LHFPL6: variants seen among roughly 807,000 people sequenced by gnomAD.
LHFPL6 encodes the protein LHFPL tetraspan subfamily member 6 protein.
In LHFPL6, 9 loss-of-function variants were observed where a neutral mutation model predicts 20.6. That is an observed-to-expected ratio of 0.44 (90% confidence interval 0.26 to 0.76). The LOEUF (loss-of-function observed/expected upper bound fraction) is 0.76, where lower values mean the gene tolerates loss of function less well. Ranked by LOEUF, LHFPL6 falls within the 30% of genes least tolerant of loss-of-function variation. The probability of loss-of-function intolerance (pLI) is 0.20; values close to 1 mark genes in which losing one functional copy is unlikely to be tolerated. For synonymous variants in LHFPL6, 105 were observed against 98.7 expected, an observed-to-expected ratio of 1.06 and a Z score of -0.38; for missense variants, 218 against 253.5, an observed-to-expected ratio of 0.86 and a Z score of 0.95.
rs146243920 is a variant in LHFPL6 at position 39,414,342 on chromosome 13, C to T, written c.386-35816G>A. ...CTGTGAGAATATGTGTCAACATTCA[C>T]ACAACATCTTCCTAATTCCATCTTC... On this transcript the variant is annotated intron_variant, in intron 2 of 3. Coordinates refer to ENST00000379589, the MANE Select transcript of LHFPL6 (RefSeq NM_005780.3). 3.7e-3 allele frequency among the ~76,000 whole-genome samples: 561 copies of T among 152,342 alleles called. 2 individuals carry two copies. Among genetic ancestry groups the T allele is most frequent in the Non-Finnish European group, 5.3e-3 (360 of 68,028 alleles).
chr13:39,439,822 A>T (rs1161577588), intron 2 of LHFPL6, among the ~76,000 whole-genome samples: 1 of 152,128 alleles, frequency 6.6e-6, no homozygotes, highest in Non-Finnish European at 1.5e-5. Context: ...TTCCACCATG[A>T]TTAAAAGCTC....
At chr13:39,464,927 A>G in intron 2 of LHFPL6, among the ~76,000 whole-genome samples, 1 of 152,166 alleles carries the variant, frequency 6.6e-6, no homozygotes, top group East Asian at 1.9e-4. Context: ...CCTTCAGATA[A>G]TTCAGTGTAT....
At chr13:39,568,387 C>A (rs756208201) in intron 2 of LHFPL6, among the ~76,000 whole-genome samples, 1 of 152,048 alleles carries the variant, frequency 6.6e-6, no homozygotes, top group Admixed American at 6.6e-5. Flanking sequence ...AACACAGTGG[C>A]TCATTTTATT....
At chr13:39,473,581 A>C (rs1873004144) in intron 2 of LHFPL6, among the ~76,000 whole-genome samples, 1 of 151,980 alleles carries the variant, frequency 6.6e-6, no homozygotes, top group Non-Finnish European at 1.5e-5. Context: ...TTATTCTGCT[A>C]GATTATAAGG....
intron 2 of LHFPL6, among the ~76,000 whole-genome samples, chr13:39,521,592 T>C (rs1207664741): frequency 6.6e-6 from 1 of 151,994 alleles, no homozygotes; most frequent in Non-Finnish European, 1.5e-5. Flanking sequence ...GTTGGGTTTG[T>C]TGTTGTTGTT....
intron 2 of LHFPL6, among the ~76,000 whole-genome samples, chr13:39,457,168 A>G (rs954008131): frequency 3.9e-5 from 6 of 152,212 alleles, no homozygotes; most frequent in Non-Finnish European, 8.8e-5. Context: ...AAAATGAAAA[A>G]TCTTATATTT....
chr13:39,592,513 A>G (rs368155282), intron 2 of LHFPL6, among the ~76,000 whole-genome samples: 102 of 152,344 alleles, frequency 6.7e-4, no homozygotes, highest in African/African-American at 2.2e-3. Flanking sequence ...CCAGGACCAG[A>G]TGGATGCACA....
chr13:39,525,892 C>A (rs1397909354), intron 2 of LHFPL6, among the ~76,000 whole-genome samples: 1 of 149,660 alleles, frequency 6.7e-6, no homozygotes, highest in Non-Finnish European at 1.5e-5. Flanking sequence ...TTACCTAAAA[C>A]TCAGTGGACA....
At chr13:39,464,550 C>G (rs866248395) in intron 2 of LHFPL6, among the ~76,000 whole-genome samples, 2 of 152,158 alleles carry the variant, frequency 1.3e-5, no homozygotes, top group Non-Finnish European at 2.9e-5. Context: ...CAGTCCACTA[C>G]AAAAAATGTA....
chr13:39,355,035 T>G (rs909231780), intron 3 of LHFPL6, among the ~76,000 whole-genome samples: 1 of 149,028 alleles, frequency 6.7e-6, no homozygotes, highest in Non-Finnish European at 1.5e-5. Context: ...AAGTCAACAT[T>G]CAAATTCAAA....
At chr13:39,428,958 A>C (rs989160542) in intron 2 of LHFPL6, among the ~76,000 whole-genome samples, 4 of 152,176 alleles carry the variant, frequency 2.6e-5, no homozygotes, top group African/African-American at 9.7e-5. Flanking sequence ...TTCATTTCCA[A>C]ATAATGCAGT....
intron 2 of LHFPL6, among the ~76,000 whole-genome samples, chr13:39,473,099 A>G (rs1872990452): frequency 6.6e-6 from 1 of 151,962 alleles, no homozygotes; most frequent in Admixed American, 6.6e-5. Flanking sequence ...CCCTCAAACC[A>G]CTAGGTGATA....
intron 2 of LHFPL6, among the ~76,000 whole-genome samples, chr13:39,528,059 C>T (rs191753365): frequency 3.5e-4 from 53 of 152,210 alleles, no homozygotes; most frequent in African/African-American, 1.2e-3. Flanking sequence ...CATCTCCTTC[C>T]GCTTCATATG....
intron 2 of LHFPL6, among the ~76,000 whole-genome samples, chr13:39,390,648 G>A (rs550263794): frequency 1.3e-5 from 2 of 152,232 alleles, no homozygotes; most frequent in East Asian, 3.9e-4. Context: ...ATATAACCAT[G>A]GAACACAACT....
intron 2 of LHFPL6, among the ~76,000 whole-genome samples, chr13:39,424,469 T>C (rs560241248): frequency 6.6e-6 from 1 of 152,322 alleles, no homozygotes; most frequent in Admixed American, 6.5e-5. Context: ...CAGCCTCGTA[T>C]GGTTGATAAT....
intron 2 of LHFPL6, among the ~76,000 whole-genome samples, chr13:39,595,568 T>C (rs1372778316): frequency 6.6e-6 from 1 of 152,202 alleles, no homozygotes. Context: ...GCTGGGATTA[T>C]GGGTGTGAGC....
intron 2 of LHFPL6, among the ~76,000 whole-genome samples, chr13:39,435,236 A>C (rs1306349938): frequency 6.6e-6 from 1 of 152,186 alleles, no homozygotes; most frequent in South Asian, 2.1e-4. Context: ...TTTAATGAAA[A>C]TATTTCACTT....
chr13:39,349,950 T>C (rs1869513803), intron 3 of LHFPL6, among the ~76,000 whole-genome samples: 1 of 152,224 alleles, frequency 6.6e-6, no homozygotes, highest in South Asian at 2.1e-4. Context: ...TGACCACCTC[T>C]AGAGTTCGGA....
At chr13:39,368,996 A>C (rs1870084612) in intron 3 of LHFPL6, among the ~76,000 whole-genome samples, 1 of 152,106 alleles carries the variant, frequency 6.6e-6, no homozygotes, top group African/African-American at 2.4e-5. Flanking sequence ...TAATACAAAA[A>C]ATAATTAGAA....
Sources: allele counts gnomAD v4.1 joint callset (sites outside exome capture counted in the v4.1 genomes callset), GRCh38; gene constraint gnomAD v4.1.1; transcripts MANE v1.5; gene names NCBI Gene and HGNC (gene_info 2026-07-23, HGNC 2026-07-21).